QARS1: variants seen among roughly 807,000 people sequenced by gnomAD.
The protein encoded by QARS1 is glutaminyl-tRNA synthetase 1.
A neutral mutation model predicts 106.9 loss-of-function variants in QARS1; 79 were observed. The ratio of observed to expected loss-of-function variants is 0.74; its 90% CI spans 0.62 to 0.89. The LOEUF is 0.89. QARS1 is among the 40% of genes least tolerant of loss of function. The pLI is 0.00. For synonymous variants in QARS1, 395 were observed against 367.7 expected, an observed-to-expected ratio of 1.07 and a Z score of -0.85; for missense variants, 966 against 997.2, an observed-to-expected ratio of 0.97 and a Z score of 0.42.
chr3:49,102,657 C>T (rs1277753113), intron 5 of QARS1, 185 bp from the exon 6 acceptor site: 6 of 667,554 alleles, frequency 9.0e-6, no homozygotes, highest in African/African-American at 8.9e-5. Flanking sequence ...CTCTTGTTGC[C>T]CAGACTGGAG....
intron 5 of QARS1, 54 bp from the exon 6 acceptor site, chr3:49,102,526 CCT>C: frequency 6.3e-7 from 1 of 1,599,702 alleles, no homozygotes; most frequent in East Asian, 2.2e-5. Flanking sequence ...TCAAGGAGCC[CCT>C]GACTGATCCT....
chr3:49,101,390 C>T lies in QARS1; in HGVS notation c.841G>A (p.Ala281Thr), dbSNP rs763689986. The T allele has an allele frequency of 7.4e-6, 12 of 1,613,960 alleles. No homozygotes were observed. In the South Asian group the frequency reaches 1.2e-4, roughly 16 times the overall value. Reference sequence around the variant, plus strand: ...CCAAAGTTGAAATTGATGGCTTTGGCATGTCCAATATGCAGGATTCCATTG... The same window carrying T: ...CCAAAGTTGAAATTGATGGCTTTGGTATGTCCAATATGCAGGATTCCATTG... Reference protein sequence around the residue: ...EPNGILHIGHAKAINFNFGYA... With the variant: ...EPNGILHIGHTKAINFNFGYA... Residue 281 changes from alanine to threonine, a missense_variant, in exon 10 of 24, where the codon GCC becomes ACC. Transcript: ENST00000306125.
At position 49,101,557 on chromosome 3, in the gene QARS1, G is replaced by A. The variant is rs116738354; in HGVS notation, c.789+63C>T. ...ATGGGTGAGATGGGGCAGTATGGAC[G>A]CAGCCCAGGCACTCAGGCAGGTGTT... On this transcript the variant is annotated intron_variant, in intron 9 of 23. Coordinates refer to ENST00000306125, the MANE Select transcript of QARS1 (RefSeq NM_005051.3). 2,553 of 1,588,624 alleles carry A rather than the reference G, an allele frequency of 1.6e-3. 36 individuals are homozygous for A. In the African/African-American group the frequency reaches 0.025, roughly 15 times the overall value.
rs367835872 is a variant in QARS1, at chr3:49,098,490, G to T, written c.1957-10C>A. On this transcript the variant is annotated splice_polypyrimidine_tract_variant and intron_variant, in intron 20 of 23. Transcript: ENST00000306125. ...CACAACCACTGGGGCCCTGGAAGTGGGGGGAGGGGAGCAGCAATTAGACCC... is the reference window on the plus strand; with the variant it reads ...CACAACCACTGGGGCCCTGGAAGTGTGGGGAGGGGAGCAGCAATTAGACCC... 5 of 1,613,992 alleles carry T rather than the reference G, an allele frequency of 3.1e-6. No individual in the cohort carries two copies. Among genetic ancestry groups the T allele is most frequent in the South Asian group, 2.2e-5 (2 of 91,084 alleles).
At chr3:49,098,724 G>A in intron 19 of QARS1, 32 bp from the exon 20 acceptor site, 1 of 1,556,114 alleles carries the variant, frequency 6.4e-7, no homozygotes, top group Non-Finnish European at 8.7e-7. Context: ...GACACATGAG[G>A]CTGCAAGGGT....
At chr3:49,096,916 C>T (rs555603406) in intron 23 of QARS1, among the ~76,000 whole-genome samples, 4 of 136,540 alleles carry the variant, frequency 2.9e-5, no homozygotes, top group African/African-American at 1.1e-4. Context: ...GCCTGGGAGG[C>T]GGAGGTTGCA....
Position 49,099,752 on chromosome 3 carries a change from C to A in QARS1, c.1388+9G>T, listed in dbSNP as rs1045778601. The A allele has an allele frequency of 1.2e-6, 2 of 1,613,756 alleles. No homozygotes were observed. Among genetic ancestry groups the A allele is most frequent in the Admixed American group, 3.3e-5 (2 of 60,004 alleles). On this transcript the variant is annotated intron_variant, in intron 15 of 23. Coordinates refer to ENST00000306125, the MANE Select transcript of QARS1 (RefSeq NM_005051.3). ...TGGCCCTACCACCCCATGGACCCAGCTCCCTCACCGGGCCTGGAATTCCTT... is the reference window on the plus strand; with the variant it reads ...TGGCCCTACCACCCCATGGACCCAGATCCCTCACCGGGCCTGGAATTCCTT...
chr3:49,098,740 A>G, intron 19 of QARS1, 48 bp from the exon 20 acceptor site: 1 of 1,533,466 alleles, frequency 6.5e-7, no homozygotes. Flanking sequence ...AGGGTCAAAC[A>G]AGTGGGGAAG....
rs940624005 is a variant in QARS1, at chr3:49,103,955, G to A, written c.283C>T (p.Arg95Trp). Residue 95 changes from arginine to tryptophan, a missense_variant, in exon 3 of 24, where the codon CGG becomes TGG. Physicochemically the swap from Arg to Trp is moderately radical, Grantham distance 101. Transcript: ENST00000306125. ...TCGATGGGGTCCAAGGGGTGACTCC[G>A]CACATACTCAAGGGCAGCTGAGAAG... Reference protein sequence around the residue: ...PQLSAALEYVRSHPLDPIDTV... With the variant: ...PQLSAALEYVWSHPLDPIDTV... The A allele has an allele frequency of 1.2e-6, 2 of 1,613,702 alleles. No homozygotes were observed. Among genetic ancestry groups the A allele is most frequent in the African/African-American group, 1.3e-5 (1 of 74,920 alleles).
intron 2 of QARS1, 160 bp downstream of exon 2, chr3:49,104,164 C>T: frequency 8.4e-7 from 1 of 1,194,762 alleles, no homozygotes; most frequent in Admixed American, 1.7e-5. Context: ...CCTGACAGTT[C>T]CCGTGTCAGT....
intron 23 of QARS1, among the ~76,000 whole-genome samples, chr3:49,097,519 G>A (rs573561027): frequency 6.6e-6 from 1 of 151,540 alleles, no homozygotes; most frequent in East Asian, 2.0e-4. Context: ...AAAAGAGGTC[G>A]GGTGCAGTGG....
In QARS1 at chr3:49,102,497, G is replaced by A; in HGVS notation, c.517-25C>T. 3 of 1,613,756 alleles carry A rather than the reference G, an allele frequency of 1.9e-6. No homozygotes were observed. The South Asian group carries it at 3.3e-5, about 18-fold the overall frequency. On this transcript the variant is annotated intron_variant, in intron 5 of 23. Coordinates refer to ENST00000306125, the MANE Select transcript of QARS1 (RefSeq NM_005051.3). ...CCTGAGCAGAGACCAGAATCAGGCA[G>A]AGGCAGGAGTATCCTCTTTCAAGGA...
chr3:49,101,955 C>T, intron 7 of QARS1, 56 bp from the exon 8 acceptor site: 1 of 1,542,944 alleles, frequency 6.5e-7, no homozygotes, highest in Non-Finnish European at 8.8e-7. Flanking sequence ...CCATATCCTA[C>T]AGCCAGAACA....
In QARS1 at chr3:49,100,454, G is replaced by A. The variant is rs774701838; in HGVS notation, c.981C>T (p.Tyr327=). 5.0e-6 allele frequency: 8 copies of A among 1,614,174 alleles called. No homozygotes were observed. The highest frequency in any genetic ancestry group is 8.5e-7 in the Non-Finnish European group (1 of 1,180,008). The part of the protein sequence containing the change: ...AICDMVAWLG[Y]TPYKVTYASD... ...ACGCATATGTGACTTTGTAAGGTGTGTAGCCTGGGGCAAAATGAAACAAAG... is the reference window on the plus strand; with the variant it reads ...ACGCATATGTGACTTTGTAAGGTGTATAGCCTGGGGCAAAATGAAACAAAG... The change falls in exon 12 of 24, where the codon TAC becomes TAT. Residue 327 remains tyrosine (Y), a synonymous_variant. Coordinates refer to ENST00000306125, the MANE Select transcript of QARS1 (RefSeq NM_005051.3).
At chr3:49,096,120 A>ATCT (rs1423195335) in intron 23 of QARS1, 41 bp from the exon 24 acceptor site, 1 of 1,608,724 alleles carries the variant, frequency 6.2e-7, no homozygotes, top group Admixed American at 1.7e-5. Context: ...AACCCAGAAC[A>ATCT]AGGCCAGGGA....
In QARS1 at chr3:49,098,818, TGAG is replaced by T. The variant is rs1009290374; in HGVS notation, c.1863+64_1863+66del. 1.2e-5 allele frequency: 18 copies of T among 1,506,060 alleles called. No homozygotes were observed. In the African/African-American group the frequency reaches 1.5e-4, roughly 13 times the overall value. The allele number at this position is 1,506,060 out of a possible 1,614,324, so 93.3% of individuals were successfully genotyped here. ...CAGGAAGTAGATGGACTGACAGAGATGAGGAGATGAAAGGTTCCCAGTACCAGA... is the reference window on the plus strand; with the variant it reads ...CAGGAAGTAGATGGACTGACAGAGATGAGATGAAAGGTTCCCAGTACCAGA... On this transcript the variant is annotated intron_variant, in intron 19 of 23. Transcript: ENST00000306125.
At chr3:49,100,843 T>G in intron 10 of QARS1, 169 bp from the exon 11 acceptor site, 2 of 706,188 alleles carry the variant, frequency 2.8e-6, no homozygotes, top group Non-Finnish European at 5.1e-6. Context: ...CTCCACCTCC[T>G]GGGTTTCTCC....
At chr3:49,100,132 G>C (rs1364124478) in intron 13 of QARS1, 41 bp from the exon 14 acceptor site, 2 of 1,614,118 alleles carry the variant, frequency 1.2e-6, no homozygotes, top group African/African-American at 2.7e-5. Flanking sequence ...AAGCACAGGA[G>C]CATCTCATTC....
chr3:49,100,294 G>C lies in QARS1; in HGVS notation c.1060C>G (p.Leu354Val), dbSNP rs1370961350. 3 of 1,614,142 alleles carry C rather than the reference G, an allele frequency of 1.9e-6. No individual in the cohort carries two copies. The Admixed American group carries it at 5.0e-5, about 27-fold the overall frequency. The change falls in exon 13 of 24, where the codon CTG becomes GTG. Residue 354 changes from leucine to valine, a missense_variant. By Grantham distance (32) the Leu-to-Val change is conservative. Transcript: ENST00000306125. The part of the protein sequence containing the change: ...AWAVELIRRG[L>V]AYVCHQRGEE... ...CCTCGCTGGTGGCACACATAAGCCAGACCCCTGTGGGGAAGCGGTGTGAGT... is the reference window on the plus strand; with the variant it reads ...CCTCGCTGGTGGCACACATAAGCCACACCCCTGTGGGGAAGCGGTGTGAGT...
Sources: allele counts gnomAD v4.1 joint callset (sites outside exome capture counted in the v4.1 genomes callset), GRCh38; gene constraint gnomAD v4.1.1; transcripts MANE v1.5; gene names NCBI Gene and HGNC (gene_info 2026-07-23, HGNC 2026-07-21).